Variants in ENTPD3 observed in about 807,000 individuals in gnomAD.
The protein encoded by ENTPD3 is CD39 antigen-like 3.
A neutral mutation model predicts 51.2 loss-of-function variants in ENTPD3; 60 were observed. The observed-to-expected ratio is 1.17, with a 90% CI of 0.95 to 1.45. ENTPD3 has a LOEUF of 1.45. Among genes scored for constraint, ENTPD3 ranks in the 40% most tolerant of loss-of-function variants. ENTPD3 has a pLI of 0.00. For synonymous variants in ENTPD3, 221 were observed against 238.4 expected (o/e 0.93, Z 0.67); for missense variants, 593 against 641.1 (o/e 0.93, Z 0.81).
At chr3:40,399,549 G>C (rs1281010635) in intron 3 of ENTPD3, 1 of 152,200 alleles carries the variant, frequency 6.6e-6, no homozygotes, top group Non-Finnish European at 1.5e-5. Flanking sequence ...TCTTCTGTGG[G>C]ACAGGCTAGG....
chr3:40,427,170 T>G (rs1259139397), intron 10 of ENTPD3, 102 bp from the exon 11 acceptor site: 2 of 969,828 alleles, frequency 2.1e-6, no homozygotes, highest in Non-Finnish European at 1.6e-6. Flanking sequence ...GGGCCACAAT[T>G]TCCCATGGGA....
intron 5 of ENTPD3, among the ~76,000 whole-genome samples, chr3:40,413,873 G>A (rs1955686941): frequency 6.6e-6 from 1 of 152,152 alleles, no homozygotes; most frequent in Non-Finnish European, 1.5e-5. Flanking sequence ...TGATGAAACT[G>A]GGAAAACTCT....
intron 4 of ENTPD3, among the ~76,000 whole-genome samples, chr3:40,406,926 C>G (rs1006934767): frequency 6.6e-6 from 1 of 152,178 alleles, no homozygotes; most frequent in Admixed American, 6.5e-5. Flanking sequence ...CCTTGGTTTA[C>G]GATGGTTCTG....
At chr3:40,427,083 C>T (rs142522879) in intron 10 of ENTPD3, among the ~76,000 whole-genome samples, 189 bp from the exon 11 acceptor site, 80 of 152,244 alleles carry the variant, frequency 5.3e-4, no homozygotes, top group South Asian at 3.3e-3. Context: ...TCTTCTGCAG[C>T]GCTGGAGGTG....
In ENTPD3 at chr3:40,427,585, G is replaced by A; in HGVS notation, c.*77G>A. 5 of 1,089,674 alleles carry A rather than the reference G, an allele frequency of 4.6e-6. No individual in the cohort carries two copies. The highest frequency in any genetic ancestry group is 7.0e-6 in the Non-Finnish European group (5 of 716,872). The allele number at this position is 1,089,674 out of a possible 1,614,324, so 67.5% of individuals were successfully genotyped here. On this transcript the variant is annotated 3_prime_UTR_variant, in exon 11 of 11. Coordinates refer to ENST00000301825, the MANE Select transcript of ENTPD3 (RefSeq NM_001248.4). The stretch of plus-strand genomic sequence containing the variant: ...GGCACCAGGCAATGCAGGTGAAGTG[G>A]CTGCCTTCAGGAAATACAACTAACT...
rs184686593 is a variant in ENTPD3, at chr3:40,411,697, C to T, written c.287-115C>T. On this transcript the variant is annotated intron_variant, in intron 4 of 10. Coordinates refer to ENST00000301825, the MANE Select transcript of ENTPD3 (RefSeq NM_001248.4). Reference sequence around the variant, plus strand: ...GGGACTTACCACATCCAGCTGTTTTCGACCCCCTACCAAACCCCAATAATT... The same window carrying T: ...GGGACTTACCACATCCAGCTGTTTTTGACCCCCTACCAAACCCCAATAATT... 1.7e-4 allele frequency: 181 copies of T among 1,063,902 alleles called. 1 individual carries two copies. The East Asian group carries it at 3.5e-3, about 21-fold the overall frequency. The allele number at this position is 1,063,902 out of a possible 1,614,324, so 65.9% of individuals were successfully genotyped here.
chr3:40,392,981 C>A lies in ENTPD3; in HGVS notation c.168+831C>A, dbSNP rs1475055815. 2.7e-5 allele frequency among the ~76,000 whole-genome samples: 4 copies of A among 150,840 alleles called. No homozygotes were observed. The East Asian group carries it at 7.8e-4, about 29-fold the overall frequency. On this transcript the variant is annotated intron_variant, in intron 3 of 10. Coordinates refer to ENST00000301825, the MANE Select transcript of ENTPD3 (RefSeq NM_001248.4). ...CTTCCAACACTTCCCTCAACAACAC[C>A]CCCCCGGCAAAAAAAAAAAAAAAAT...
chr3:40,400,834 A>T (rs1955336932), intron 3 of ENTPD3, 60 bp from the exon 4 acceptor site: 1 of 1,334,898 alleles, frequency 7.5e-7, no homozygotes, highest in Admixed American at 1.7e-5. Flanking sequence ...TGGCCCACTG[A>T]GAAAGCAGTC....
intron 4 of ENTPD3, among the ~76,000 whole-genome samples, chr3:40,407,354 AAACTT>A (rs1955528173): frequency 6.6e-6 from 1 of 152,214 alleles, no homozygotes; most frequent in African/African-American, 2.4e-5. Context: ...CAAAAAAAAA[AAACTT>A]TACTTGTGGA....
In ENTPD3 at chr3:40,414,930, G is replaced by C. The variant is rs147275720; in HGVS notation, c.597+90G>C. The C allele has an allele frequency of 1.5e-4, 206 of 1,329,754 alleles. No individual in the cohort carries two copies. In the East Asian group the frequency reaches 4.6e-3, roughly 29 times the overall value. 82.4% of individuals were successfully genotyped at this position (1,329,754 alleles called of 1,614,324 possible). Reference sequence around the variant, plus strand: ...CTAAGTAGAGGTACATGCCATCAGGGATATCTGCCCTGTATCACTCCTACC... The same window carrying C: ...CTAAGTAGAGGTACATGCCATCAGGCATATCTGCCCTGTATCACTCCTACC... On this transcript the variant is annotated intron_variant, in intron 6 of 10. Coordinates refer to ENST00000301825, the MANE Select transcript of ENTPD3 (RefSeq NM_001248.4).
Position 40,400,888 on chromosome 3 carries a change from A to G in ENTPD3, c.169-6A>G, listed in dbSNP as rs1341304691. ...ATTCTGACTCTCCCTTTCCCTTTTTATTCAGTATGGTATTGTGCTGGATGC... is the reference window on the plus strand; with the variant it reads ...ATTCTGACTCTCCCTTTCCCTTTTTGTTCAGTATGGTATTGTGCTGGATGC... On this transcript the variant is annotated splice_polypyrimidine_tract_variant and splice_region_variant and intron_variant, in intron 3 of 10. Coordinates refer to ENST00000301825, the MANE Select transcript of ENTPD3 (RefSeq NM_001248.4). 1.9e-6 allele frequency: 3 copies of G among 1,610,234 alleles called. No individual in the cohort carries two copies. Among genetic ancestry groups the G allele is most frequent in the Non-Finnish European group, 2.5e-6 (3 of 1,177,136 alleles).
chr3:40,392,807 T>G (rs1955095584), intron 3 of ENTPD3, among the ~76,000 whole-genome samples: 1 of 151,542 alleles, frequency 6.6e-6, no homozygotes, highest in South Asian at 2.1e-4. Context: ...AAGAAATTTT[T>G]CCAAAAAAAG....
rs933325138 is a variant in ENTPD3, at chr3:40,397,148, C to T, written c.169-3746C>T. ...TTTTTTTTTTTTTTTTTCAGAAAGC[C>T]TCGGTCTCCTTATGCAAATGGGTCC... On this transcript the variant is annotated intron_variant, in intron 3 of 10. Transcript: ENST00000301825. 3.8e-5 allele frequency among the ~76,000 whole-genome samples: 3 copies of T among 79,752 alleles called. No individual in the cohort carries two copies. In the Admixed American group the frequency reaches 5.3e-4, roughly 14 times the overall value. The allele number at this position is 79,752 out of a possible 152,430, so 52.3% of individuals were successfully genotyped here.
intron 7 of ENTPD3, among the ~76,000 whole-genome samples, chr3:40,418,787 T>A (rs1396415701): frequency 6.6e-6 from 1 of 152,160 alleles, no homozygotes; most frequent in Non-Finnish European, 1.5e-5. Context: ...ATATATAATT[T>A]TATATTTACC....
chr3:40,422,134 T>TCACACA lies in ENTPD3; in HGVS notation c.832-696_832-691dup, dbSNP rs3064615. ...CGCTATGCCTGGTACGAGGTAATTG[T>TCACACA]CACACACACACACACACACACACAC... On this transcript the variant is annotated intron_variant, in intron 7 of 10. Coordinates refer to ENST00000301825, the MANE Select transcript of ENTPD3 (RefSeq NM_001248.4). Among the ~76,000 whole-genome samples the TCACACA allele has an allele frequency of 1.0e-4, 15 of 148,864 alleles. No individual in the cohort carries two copies. In the South Asian group the frequency reaches 1.1e-3, roughly 11 times the overall value.
intron 7 of ENTPD3, among the ~76,000 whole-genome samples, chr3:40,422,341 T>C (rs1313756497): frequency 7.6e-6 from 1 of 131,968 alleles, no homozygotes; most frequent in East Asian, 2.2e-4. Context: ...TTTTTTTTTT[T>C]ACTTAGAGAT....
intron 10 of ENTPD3, 78 bp downstream of exon 10, chr3:40,424,041 G>T: frequency 6.3e-7 from 1 of 1,595,554 alleles, no homozygotes; most frequent in Non-Finnish European, 8.5e-7. Flanking sequence ...AAATGTAGAA[G>T]GTAAAAGGGT....
intron 2 of ENTPD3, among the ~76,000 whole-genome samples, chr3:40,390,230 G>T (rs1955021789): frequency 3.3e-5 from 5 of 152,054 alleles, no homozygotes; most frequent in African/African-American, 9.7e-5. Context: ...TTAGAGACAA[G>T]GTCTCACTCT....
chr3:40,406,527 G>A (rs1246732411), intron 4 of ENTPD3, among the ~76,000 whole-genome samples: 1 of 152,184 alleles, frequency 6.6e-6, no homozygotes, highest in African/African-American at 2.4e-5. Flanking sequence ...ACGTAGTCAG[G>A]GGCTAAGATT....
Sources: allele counts gnomAD v4.1 joint callset (sites outside exome capture counted in the v4.1 genomes callset), GRCh38; gene constraint gnomAD v4.1.1; transcripts MANE v1.5; gene names NCBI Gene and HGNC (gene_info 2026-07-23, HGNC 2026-07-21).